Variants in DIP2C observed in about 807,000 individuals in gnomAD.
DIP2C encodes DIP2 acetate--CoA ligase C (putative), also known as disco-interacting protein 2 homolog C.
In DIP2C, 33 loss-of-function variants were observed where a neutral mutation model predicts 192.4. That is an observed-to-expected ratio of 0.17 (90% CI 0.13 to 0.23). DIP2C has a LOEUF of 0.23. DIP2C is among the 10% of genes least tolerant of loss of function. DIP2C has a pLI of 1.00. For synonymous variants in DIP2C, 979 were observed against 864.1 expected (o/e 1.13, Z -2.33); for missense variants, 1,537 against 2,110.1 (o/e 0.73, Z 5.32).
intron 4 of DIP2C, among the ~76,000 whole-genome samples, chr10:429,000 A>G (rs1267884908): frequency 6.6e-6 from 1 of 151,962 alleles, no homozygotes; most frequent in South Asian, 2.1e-4. Context: ...AACATTGCCT[A>G]CCAGAGTGGT....
chr10:543,675 T>C (rs1305612216), intron 1 of DIP2C, among the ~76,000 whole-genome samples: 1 of 152,248 alleles, frequency 6.6e-6, no homozygotes, highest in African/African-American at 2.4e-5. Context: ...AGTTACATAG[T>C]AACATGTTTT....
intron 3 of DIP2C, among the ~76,000 whole-genome samples, chr10:461,366 A>G (rs1200477928): frequency 6.6e-6 from 1 of 152,232 alleles, no homozygotes; most frequent in Non-Finnish European, 1.5e-5. Flanking sequence ...TACAAAGCAA[A>G]AAAAGCATGA....
At chr10:511,469 C>T (rs899135029) in intron 1 of DIP2C, among the ~76,000 whole-genome samples, 1 of 152,204 alleles carries the variant, frequency 6.6e-6, no homozygotes, top group Non-Finnish European at 1.5e-5. Context: ...CTACTAGTGC[C>T]TTATCCTTCA....
At chr10:597,465 G>A (rs991080616) in intron 1 of DIP2C, among the ~76,000 whole-genome samples, 1 of 152,214 alleles carries the variant, frequency 6.6e-6, no homozygotes, top group African/African-American at 2.4e-5. Context: ...TACAATTCTA[G>A]GTGGAAAGGT....
At chr10:616,245 A>G (rs1172322863) in intron 1 of DIP2C, among the ~76,000 whole-genome samples, 2 of 152,242 alleles carry the variant, frequency 1.3e-5, no homozygotes, top group Non-Finnish European at 2.9e-5. Flanking sequence ...AATCCGATAC[A>G]AAATTTAAAG....
chr10:678,400 C>T (rs1273534647), intron 1 of DIP2C, among the ~76,000 whole-genome samples: 1 of 152,080 alleles, frequency 6.6e-6, no homozygotes, highest in Non-Finnish European at 1.5e-5. Flanking sequence ...GGCACTGAGG[C>T]TCTGACCCAT....
intron 9 of DIP2C, among the ~76,000 whole-genome samples, chr10:405,605 C>T (rs1158488569): frequency 6.6e-6 from 1 of 152,228 alleles, no homozygotes; most frequent in African/African-American, 2.4e-5. Context: ...TGTATTGCTA[C>T]CTCCATAGTG....
At chr10:647,735 A>T (rs1004048605) in intron 1 of DIP2C, among the ~76,000 whole-genome samples, 2 of 151,032 alleles carry the variant, frequency 1.3e-5, no homozygotes, top group Admixed American at 1.3e-4. Context: ...GAACAGAGGG[A>T]AACTGAGTCC....
rs1201758510 is a variant in DIP2C, at chr10:674,826, A to AGAGAGAGACC, written c.85+14667_85+14668insGGTCTCTCTC. Among the ~76,000 whole-genome samples, 500 of 144,674 alleles carry AGAGAGAGACC rather than the reference A, an allele frequency of 3.5e-3. 6 individuals carry two copies. The highest frequency in any genetic ancestry group is 6.4e-3 in the East Asian group (32 of 5,002). The allele number at this position is 144,674 out of a possible 152,430, so 94.9% of individuals were successfully genotyped here. On this transcript the variant is annotated intron_variant, in intron 1 of 36. Transcript: ENST00000280886. ...GAGAGAGAGAGAGAGAGAGAGAGAG[A>AGAGAGAGACC]GAGACCAACACAACAATAGTAGGGG...
rs1957294432 is a variant in DIP2C, at chr10:326,873, A to G, written c.3924+133T>C. On this transcript the variant is annotated intron_variant, in intron 31 of 36. Coordinates refer to ENST00000280886, the MANE Select transcript of DIP2C (RefSeq NM_014974.3). ...AGAAACAGAGATCTGCACCAACCGC[A>G]TGCGTGTGACTGAAAGATCTCTTCT... 3 of 1,080,674 alleles carry G rather than the reference A, an allele frequency of 2.8e-6. No homozygotes were observed. The African/African-American group carries it at 4.8e-5, about 17-fold the overall frequency. The allele number at this position is 1,080,674 out of a possible 1,614,324, so 66.9% of individuals were successfully genotyped here.
At chr10:628,563 A>G (rs1020432706) in intron 1 of DIP2C, 8 of 152,370 alleles carry the variant, frequency 5.3e-5, no homozygotes, top group Non-Finnish European at 1.0e-4. Flanking sequence ...CTGCGGGGAC[A>G]TGGCACAGAC....
rs201941178 is a variant in DIP2C at position 303,521 on chromosome 10, C to CT, written c.3986+6509dup. On this transcript the variant is annotated intron_variant, in intron 32 of 36. Coordinates refer to ENST00000280886, the MANE Select transcript of DIP2C (RefSeq NM_014974.3). ...CAAGTTTTCTATTAAAAGTTTTTTA[C>CT]TTTTTTTTTTTCTTTTTTTGAGACA... 3.3e-3 allele frequency among the ~76,000 whole-genome samples: 482 copies of CT among 148,010 alleles called. 2 individuals are homozygous for CT. Among genetic ancestry groups the CT allele is most frequent in the Middle Eastern group, 0.014 (4 of 284 alleles).
At chr10:366,123 T>C (rs1960168371) in intron 19 of DIP2C, 152 bp downstream of exon 19, 1 of 1,120,316 alleles carries the variant, frequency 8.9e-7, no homozygotes, top group African/African-American at 1.6e-5. Context: ...TCAAAAGCGA[T>C]AAAAAGTGGT....
intron 1 of DIP2C, among the ~76,000 whole-genome samples, chr10:558,973 A>C (rs1246046027): frequency 6.3e-5 from 2 of 31,988 alleles, no homozygotes; most frequent in East Asian, 6.8e-4. Context: ...AGACCACCCC[A>C]CCCCCTCCAC....
chr10:392,831 C>T (rs569140511), intron 10 of DIP2C, among the ~76,000 whole-genome samples: 4 of 148,858 alleles, frequency 2.7e-5, no homozygotes, highest in Non-Finnish European at 4.4e-5. Flanking sequence ...CACACACACA[C>T]GCCCACGCAC....
At chr10:404,638 G>C (rs1964677071) in intron 9 of DIP2C, among the ~76,000 whole-genome samples, 1 of 152,218 alleles carries the variant, frequency 6.6e-6, no homozygotes, top group Non-Finnish European at 1.5e-5. Flanking sequence ...AAAGCATCCA[G>C]ATGGTCATTG....
In DIP2C at chr10:554,596, G is replaced by A. The variant is rs141321743; in HGVS notation, c.86-68066C>T. Among the ~76,000 whole-genome samples, 10 of 152,364 alleles carry A rather than the reference G, an allele frequency of 6.6e-5. No individual in the cohort carries two copies. In the East Asian group the frequency reaches 1.9e-3, roughly 29 times the overall value. ...CCCGTGTTCTTGAGACACAGAAGGG[G>A]CAAGACCCCGGTTCCCTTCTCCTCC... On this transcript the variant is annotated intron_variant, in intron 1 of 36. Coordinates refer to ENST00000280886, the MANE Select transcript of DIP2C (RefSeq NM_014974.3).
At chr10:581,287 T>C (rs2131589871) in intron 1 of DIP2C, among the ~76,000 whole-genome samples, 1 of 152,304 alleles carries the variant, frequency 6.6e-6, no homozygotes, top group South Asian at 2.1e-4. Context: ...AGTTAATACA[T>C]CCACACCCAA....
rs144064150 is a variant in DIP2C at position 486,572 on chromosome 10, A to G, written c.86-42T>C. On this transcript the variant is annotated intron_variant, in intron 1 of 36. Transcript: ENST00000280886. ...ATGAAGTTCAGTATGGTCTCCGTGG[A>G]TAGAGCATTATCATTCAACGGTGCC... is the stretch of plus-strand genomic sequence containing the variant. 83 of 1,519,196 alleles carry G rather than the reference A, an allele frequency of 5.5e-5. No homozygotes were observed. In the East Asian group the frequency reaches 9.8e-4, roughly 18 times the overall value. 94.1% of individuals were successfully genotyped at this position (1,519,196 alleles called of 1,614,324 possible). A position where few individuals can be genotyped will look rare whatever the true frequency, so the allele number is the denominator to read the frequency against.
Sources: allele counts gnomAD v4.1 joint callset (sites outside exome capture counted in the v4.1 genomes callset), GRCh38; gene constraint gnomAD v4.1.1; transcripts MANE v1.5; gene names NCBI Gene and HGNC (gene_info 2026-07-23, HGNC 2026-07-21).